DZIP3: variants seen among roughly 807,000 people sequenced by gnomAD.
DZIP3 encodes the protein E3 ubiquitin-protein ligase DZIP3.
A neutral mutation model predicts 162.0 loss-of-function variants in DZIP3; 118 were observed. The observed-to-expected ratio is 0.73, with a 90% CI of 0.63 to 0.85. The LOEUF (loss-of-function observed/expected upper bound fraction) is 0.85, where lower values mean the gene tolerates loss of function less well. DZIP3 is among the 40% of genes least tolerant of loss of function. The probability of loss-of-function intolerance (pLI) is 0.00; values close to 1 mark genes in which losing one functional copy is unlikely to be tolerated. For missense variants in DZIP3, 1,331 were observed against 1,407.0 expected, an observed-to-expected ratio of 0.95 and a Z score of 0.86; for synonymous variants, 438 against 458.6, an observed-to-expected ratio of 0.96 and a Z score of 0.57.
chr3:108,654,288 A>G lies in DZIP3; in HGVS notation c.2177A>G (p.His726Arg), dbSNP rs746316530. 9.3e-6 allele frequency: 15 copies of G among 1,613,604 alleles called. No individual in the cohort carries two copies. Among genetic ancestry groups the G allele is most frequent in the South Asian group, 3.3e-5 (3 of 91,082 alleles). Reference sequence around the variant, plus strand: ...AAGTTCTATAGCCTGGATGAATTGCATATTCTGGACATGATAGAGCAGGTA... The same window carrying G: ...AAGTTCTATAGCCTGGATGAATTGCGTATTCTGGACATGATAGAGCAGGTA... The part of the protein sequence containing the change: ...EDKFYSLDEL[H>R]ILDMIEQGSA... The change falls in exon 19 of 33, where the codon CAT becomes CGT. Residue 726 changes from histidine to arginine, a missense_variant. By Grantham distance (29) the His-to-Arg change is conservative. This residue lies in a region of DZIP3 where 1,278 missense variants were observed against 1,317.1 expected (regional missense o/e 0.97). Transcript: ENST00000361582.
In DZIP3 at chr3:108,686,674, A is replaced by G. The variant is rs1046804483; in HGVS notation, c.3149+90A>G. Reference sequence around the variant, plus strand: ...TGGCAATGAAACATTTCAGAGAAACATAACAAACACAAAAAAAGTACAGAT... The same window carrying G: ...TGGCAATGAAACATTTCAGAGAAACGTAACAAACACAAAAAAAGTACAGAT... On this transcript the variant is annotated intron_variant, in intron 28 of 32. Coordinates refer to ENST00000361582, the MANE Select transcript of DZIP3 (RefSeq NM_014648.4). The G allele has an allele frequency of 8.2e-6, 11 of 1,345,614 alleles. No individual in the cohort carries two copies. In the South Asian group the frequency reaches 1.6e-4, roughly 19 times the overall value. The allele number at this position is 1,345,614 out of a possible 1,614,324, so 83.4% of individuals were successfully genotyped here.
At chr3:108,661,845 A>C (rs764101951) in intron 19 of DZIP3, 32 bp from the exon 20 acceptor site, 1 of 1,562,898 alleles carries the variant, frequency 6.4e-7, no homozygotes, top group Non-Finnish European at 8.7e-7. Flanking sequence ...TTTTGAGGAA[A>C]ATAATACATG....
chr3:108,629,732 C>T (rs950852391), intron 8 of DZIP3, among the ~76,000 whole-genome samples: 1 of 151,710 alleles, frequency 6.6e-6, no homozygotes, highest in Non-Finnish European at 1.5e-5. Flanking sequence ...TTTTATTTCT[C>T]AGTCATTAGA....
At chr3:108,626,413 G>A (rs1941592101) in intron 7 of DZIP3, among the ~76,000 whole-genome samples, 1 of 152,086 alleles carries the variant, frequency 6.6e-6, no homozygotes. Flanking sequence ...GGAGTTATTA[G>A]TATTATCACC....
intron 12 of DZIP3, among the ~76,000 whole-genome samples, chr3:108,640,894 G>T (rs768953725): frequency 6.6e-5 from 10 of 151,666 alleles, no homozygotes; most frequent in Admixed American, 1.3e-4. Flanking sequence ...CTTTGTAGGT[G>T]GCATAGGTCT....
At chr3:108,642,220 T>C (rs942955086) in intron 12 of DZIP3, among the ~76,000 whole-genome samples, 1 of 151,076 alleles carries the variant, frequency 6.6e-6, no homozygotes, top group African/African-American at 2.4e-5. Context: ...AGTTTTAGTA[T>C]GAAATCTGGC....
At chr3:108,653,749 A>G (rs1942979239) in intron 18 of DZIP3, among the ~76,000 whole-genome samples, 1 of 151,870 alleles carries the variant, frequency 6.6e-6, no homozygotes, top group South Asian at 2.1e-4. Context: ...TGTCAAGAAA[A>G]TTAAGGGGGA....
chr3:108,638,200 A>G (rs1374084303), intron 12 of DZIP3, among the ~76,000 whole-genome samples: 2 of 152,186 alleles, frequency 1.3e-5, no homozygotes, highest in Non-Finnish European at 2.9e-5. Flanking sequence ...CATACTGAGT[A>G]TCTCCATTTT....
At chr3:108,616,022 T>G (rs990176405) in intron 4 of DZIP3, among the ~76,000 whole-genome samples, 2 of 152,078 alleles carry the variant, frequency 1.3e-5, no homozygotes, top group Non-Finnish European at 2.9e-5. Context: ...CCCAGCACTT[T>G]AGGAGGCCAA....
intron 7 of DZIP3, among the ~76,000 whole-genome samples, chr3:108,628,113 G>C (rs967557934): frequency 3.3e-5 from 5 of 152,106 alleles, no homozygotes; most frequent in African/African-American, 4.8e-5. Context: ...TCCTGATCTC[G>C]TGATCCGCCC....
intron 31 of DZIP3, among the ~76,000 whole-genome samples, chr3:108,690,213 C>T (rs900445094): frequency 2.6e-5 from 4 of 152,168 alleles, no homozygotes; most frequent in African/African-American, 9.7e-5. Context: ...TATTAATCCT[C>T]TCTCATCTGA....
At chr3:108,605,187 A>G in intron 1 of DZIP3, 148 bp from the exon 2 acceptor site, 1 of 581,164 alleles carries the variant, frequency 1.7e-6, no homozygotes, top group Non-Finnish European at 3.0e-6. Flanking sequence ...AAGGATGAGT[A>G]GTGATTATGT....
At chr3:108,659,479 G>C (rs1464395349) in intron 19 of DZIP3, among the ~76,000 whole-genome samples, 9 of 152,148 alleles carry the variant, frequency 5.9e-5, no homozygotes, top group Non-Finnish European at 2.9e-5. Context: ...GTATTGATGG[G>C]ATGTATCTCA....
chr3:108,686,479 T>C lies in DZIP3; in HGVS notation c.3044T>C (p.Val1015Ala), dbSNP rs746077410. 30 of 1,610,970 alleles carry C rather than the reference T, an allele frequency of 1.9e-5. No homozygotes were observed. The highest frequency in any genetic ancestry group is 2.5e-6 in the Non-Finnish European group (3 of 1,179,144). ...ATAGCCTGGGCTCTGCCAGCGCCTG[T>C]GGGAGACGCTGTGCCTCCCAGTGCA... ...TGIAWALPAPVGDAVPPSAGL... is the reference protein window; with the variant it reads ...TGIAWALPAPAGDAVPPSAGL... The change falls in exon 28 of 33, where the codon GTG becomes GCG. Residue 1015 changes from valine (V) to alanine (A), a missense_variant. By Grantham distance (64) the Val-to-Ala change is moderately conservative. Around this residue, in one of 2 missense-constraint regions of DZIP3, gnomAD observed 1,278 missense variants for 1,317.1 expected, o/e 0.97. Coordinates refer to ENST00000361582, the MANE Select transcript of DZIP3 (RefSeq NM_014648.4).
chr3:108,675,683 G>A (rs1368593754), intron 24 of DZIP3, 103 bp from the exon 25 acceptor site: 8 of 916,100 alleles, frequency 8.7e-6, no homozygotes, highest in South Asian at 3.9e-5. Context: ...GGGTAATTTT[G>A]TTTTTTGTTG....
intron 21 of DZIP3, 60 bp downstream of exon 21, chr3:108,662,317 A>T: frequency 6.6e-7 from 1 of 1,522,374 alleles, no homozygotes; most frequent in Non-Finnish European, 8.8e-7. Flanking sequence ...TATCTTTAAT[A>T]GTTAATCTCT....
At chr3:108,591,414 A>G (rs1939411381) in intron 1 of DZIP3, among the ~76,000 whole-genome samples, 1 of 152,236 alleles carries the variant, frequency 6.6e-6, no homozygotes, top group Non-Finnish European at 1.5e-5. Flanking sequence ...ATCTGTGATG[A>G]TGTGTCAGCA....
At chr3:108,619,637 T>C (rs1367821843) in intron 5 of DZIP3, among the ~76,000 whole-genome samples, 1 of 152,196 alleles carries the variant, frequency 6.6e-6, no homozygotes, top group African/African-American at 2.4e-5. Context: ...CTTTTTGTTC[T>C]ATGCAGGCTT....
intron 5 of DZIP3, among the ~76,000 whole-genome samples, chr3:108,622,673 C>T (rs1941406614): frequency 6.6e-6 from 1 of 152,086 alleles, no homozygotes; most frequent in South Asian, 2.1e-4. Context: ...TTGGTCACTG[C>T]TGCTATATCT....
Sources: allele counts gnomAD v4.1 joint callset (sites outside exome capture counted in the v4.1 genomes callset), GRCh38; gene constraint gnomAD v4.1.1; regional missense constraint gnomAD v4.1.1; transcripts MANE v1.5; gene names NCBI Gene and HGNC (gene_info 2026-07-23, HGNC 2026-07-21).